SRPK2: variants seen among roughly 807,000 people sequenced by gnomAD.
The protein encoded by SRPK2 is SRSF protein kinase 2.
SRPK2 carries 21 observed loss-of-function variants against 90.8 expected under a neutral mutation model. That is an observed-to-expected ratio of 0.23 (90% CI 0.16 to 0.33). SRPK2 has a LOEUF of 0.33. Among genes scored for constraint, SRPK2 ranks in the 10% least tolerant of loss-of-function variants. The pLI, the probability that SRPK2 is intolerant of heterozygous loss-of-function variation, is 1.00. For missense variants in SRPK2, 620 were observed against 869.0 expected (o/e 0.71, Z 3.60); for synonymous variants, 288 against 311.1 (o/e 0.93, Z 0.78).
At chr7:105,200,872 T>C (rs1285749493) in intron 3 of SRPK2, among the ~76,000 whole-genome samples, 2 of 152,210 alleles carry the variant, frequency 1.3e-5, no homozygotes, top group African/African-American at 4.8e-5. Context: ...CTGCCACAGA[T>C]TCATTACACA....
chr7:105,269,803 T>C (rs1480880484), intron 2 of SRPK2, among the ~76,000 whole-genome samples: 1 of 152,230 alleles, frequency 6.6e-6, no homozygotes, highest in Non-Finnish European at 1.5e-5. Context: ...ATGGTCCTAT[T>C]ACCCAGACTA....
Position 105,125,893 on chromosome 7 carries a change from C to T in SRPK2, c.1915+355G>A, listed in dbSNP as rs142068645. ...ATGTGATCTGCATTGGGAAACATTG[C>T]CAGCAAAACAGAAACACACGACAGT... On this transcript the variant is annotated intron_variant, in intron 15 of 15. Coordinates refer to ENST00000393651, the MANE Select transcript of SRPK2 (RefSeq NM_182692.3). 2,133 of 1,243,554 alleles carry T rather than the reference C, an allele frequency of 1.7e-3. 10 individuals are homozygous for T. Among genetic ancestry groups the T allele is most frequent in the South Asian group, 7.8e-3 (602 of 77,484 alleles). 77.0% of individuals were successfully genotyped at this position (1,243,554 alleles called of 1,614,324 possible).
chr7:105,142,966 G>C, intron 10 of SRPK2, 118 bp downstream of exon 10: 2 of 1,350,732 alleles, frequency 1.5e-6, no homozygotes, highest in East Asian at 2.3e-5. Context: ...GGGAGTTGGA[G>C]AGAATCATCC....
At chr7:105,248,319 G>A (rs1801993198) in intron 2 of SRPK2, among the ~76,000 whole-genome samples, 1 of 151,914 alleles carries the variant, frequency 6.6e-6, no homozygotes, top group South Asian at 2.1e-4. Flanking sequence ...GATTAGGGGT[G>A]GTGGCACAAG....
intron 2 of SRPK2, among the ~76,000 whole-genome samples, chr7:105,357,914 A>T (rs1485678925): frequency 6.6e-6 from 1 of 152,118 alleles, no homozygotes; most frequent in Non-Finnish European, 1.5e-5. Flanking sequence ...AGCCACCCCC[A>T]TCTCTGCACA....
At chr7:105,229,329 C>A (rs762999205) in intron 2 of SRPK2, among the ~76,000 whole-genome samples, 4 of 151,964 alleles carry the variant, frequency 2.6e-5, no homozygotes, top group Non-Finnish European at 5.9e-5. Context: ...CCGGGCATAG[C>A]GGCGGGCGCC....
intron 2 of SRPK2, among the ~76,000 whole-genome samples, chr7:105,219,675 A>T (rs1351194691): frequency 6.6e-6 from 1 of 152,232 alleles, no homozygotes; most frequent in Admixed American, 6.5e-5. Flanking sequence ...ATGAAAAATC[A>T]CAAGTGAAAA....
At chr7:105,155,908 C>G (rs945418985) in intron 7 of SRPK2, among the ~76,000 whole-genome samples, 1 of 152,136 alleles carries the variant, frequency 6.6e-6, no homozygotes, top group African/African-American at 2.4e-5. Flanking sequence ...AGTAAACATT[C>G]ATGAATGAAA....
intron 2 of SRPK2, among the ~76,000 whole-genome samples, chr7:105,359,908 G>A (rs539885996): frequency 6.6e-6 from 1 of 152,298 alleles, no homozygotes; most frequent in East Asian, 1.9e-4. Flanking sequence ...TTGGTGCAGA[G>A]CTGAGTTCAA....
intron 3 of SRPK2, among the ~76,000 whole-genome samples, chr7:105,199,339 T>C (rs80290808): frequency 0.029 from 4,386 of 152,230 alleles, 207 homozygotes; most frequent in African/African-American, 0.099. Flanking sequence ...TGAGAAGTAA[T>C]TGAGGGCAGA....
chr7:105,230,738 TG>T (rs1799323991), intron 2 of SRPK2, among the ~76,000 whole-genome samples: 1 of 152,200 alleles, frequency 6.6e-6, no homozygotes, highest in African/African-American at 2.4e-5. Flanking sequence ...TGAAAAATCT[TG>T]TTGATTCTTG....
chr7:105,365,624 T>C (rs1818954599), intron 2 of SRPK2, among the ~76,000 whole-genome samples: 1 of 150,522 alleles, frequency 6.6e-6, no homozygotes, highest in Admixed American at 6.7e-5. Flanking sequence ...ACAGGGAGAC[T>C]GAGTCTCCAC....
chr7:105,142,144 G>A lies in SRPK2; in HGVS notation c.1407C>T (p.Phe469=). ...SQFPEFSTSL[F]SGSLEPVACG... ...AGGCCACAGGTTCTAAGGATCCAGA[G>A]AACAACGAGGTGGAAAACTCTGGGA... Residue 469 remains phenylalanine, a synonymous_variant, in exon 11 of 16, where the codon TTC becomes TTT. Coordinates refer to ENST00000393651, the MANE Select transcript of SRPK2 (RefSeq NM_182692.3). The A allele has an allele frequency of 1.2e-6, 2 of 1,614,182 alleles. No homozygotes were observed. The highest frequency in any genetic ancestry group is 1.7e-5 in the Admixed American group (1 of 60,022).
upstream of SRPK2, among the ~76,000 whole-genome samples, chr7:105,392,599 C>T (rs1490109100): frequency 2.2e-4 from 33 of 152,040 alleles, no homozygotes; most frequent in African/African-American, 7.5e-4. Context: ...CTGTAACCTC[C>T]ACTTCCCAGG....
chr7:105,165,954 C>T (rs984897738), intron 6 of SRPK2, among the ~76,000 whole-genome samples: 1 of 152,124 alleles, frequency 6.6e-6, no homozygotes, highest in Non-Finnish European at 1.5e-5. Flanking sequence ...ACAAACAACT[C>T]TGGATGCGCC....
intron 2 of SRPK2, among the ~76,000 whole-genome samples, chr7:105,310,771 T>C (rs907918753): frequency 1.3e-5 from 2 of 152,230 alleles, no homozygotes; most frequent in Non-Finnish European, 2.9e-5. Flanking sequence ...TGACATTCTT[T>C]TCCCCAATCT....
intron 2 of SRPK2, among the ~76,000 whole-genome samples, chr7:105,377,770 T>C (rs1422535412): frequency 6.6e-6 from 1 of 152,114 alleles, no homozygotes; most frequent in Non-Finnish European, 1.5e-5. Context: ...ACATTCTGCA[T>C]TCCCTATTGC....
chr7:105,117,067 T>C lies in SRPK2; in HGVS notation c.*771A>G, dbSNP rs1437375631. On this transcript the variant is annotated 3_prime_UTR_variant, in exon 16 of 16. Transcript: ENST00000393651. ...TTCTTTAAAAGTACTTTTAAAAATA[T>C]GCAAAATCACAAATGGGACTGCTAA... The C allele has an allele frequency of 6.6e-6, 1 of 152,252 alleles. No homozygotes were observed. Among genetic ancestry groups the C allele is most frequent in the Non-Finnish European group, 1.5e-5 (1 of 68,036 alleles). The allele number at this position is 152,252 out of a possible 1,614,324, so 9.4% of individuals were successfully genotyped here.
intron 2 of SRPK2, among the ~76,000 whole-genome samples, chr7:105,351,608 G>C (rs576970548): frequency 1.3e-5 from 2 of 151,932 alleles, no homozygotes; most frequent in African/African-American, 4.8e-5. Context: ...TTTAAGACCA[G>C]CCTTGCCAAA....
Sources: allele counts gnomAD v4.1 joint callset (sites outside exome capture counted in the v4.1 genomes callset), GRCh38; gene constraint gnomAD v4.1.1; transcripts MANE v1.5; gene names NCBI Gene and HGNC (gene_info 2026-07-23, HGNC 2026-07-21).